The following XIST variants were observed in gnomAD, a reference collection of about 807,000 sequenced individuals.
The protein encoded by XIST is X inactive specific transcript, also known as X inactive specific transcript (non-protein coding).
At chrX:73,849,871 TG>T in exon 1 of XIST, 1 of 29,100 alleles carries the variant, frequency 3.4e-5, no homozygotes, top group Non-Finnish European at 6.2e-5. Flanking sequence ...GGACTGGGGC[TG>T]GGGCAGGGCT....
exon 1 of XIST, chrX:73,846,415 T>C: frequency 1.8e-6 from 1 of 557,155 alleles, no homozygotes; most frequent in East Asian, 3.3e-5. Flanking sequence ...GAGAGGACCC[T>C]CCTTTTCTAG....
chrX:73,845,427 C>T, exon 1 of XIST: 1 of 552,247 alleles, frequency 1.8e-6, no homozygotes, highest in Non-Finnish European at 3.3e-6. Context: ...AGTGCCTATG[C>T]TCACTTACAA....
At chrX:73,826,601 G>C (rs199765374) in exon 6 of XIST, 52 of 557,773 alleles carry the variant, frequency 9.3e-5, no homozygotes, top group Non-Finnish European at 1.6e-4. Context: ...AAATATCTAA[G>C]AGTAAGAAGT....
chrX:73,848,433 T>G lies in XIST; in HGVS notation n.4291A>C, dbSNP rs376462405. 2.5e-5 allele frequency: 14 copies of G among 556,027 alleles called. No individual in the cohort carries two copies. In the East Asian group the frequency reaches 3.9e-4, roughly 16 times the overall value. The allele number at this position is 556,027 out of a possible 1,213,427, so 45.8% of individuals were successfully genotyped here. On this transcript the variant is annotated non_coding_transcript_exon_variant, in exon 1 of 6. Coordinates refer to ENST00000429829, the Ensembl canonical transcript of XIST. ...ATAAACTGTCCTAGTACAGAGGTCT[T>G]GAGTAGTAAGGGTCCCCTGCTGGAA... is the stretch of plus-strand genomic sequence containing the variant.
exon 1 of XIST, chrX:73,850,796 G>A: frequency 2.0e-6 from 1 of 508,825 alleles, no homozygotes; most frequent in East Asian, 3.6e-5. Flanking sequence ...CCTTAGGTGA[G>A]GCACCAATAC....
intron 4 of XIST, among the ~76,000 whole-genome samples, chrX:73,829,635 A>G (rs1427226021): frequency 1.8e-5 from 2 of 109,900 alleles, no homozygotes; most frequent in Admixed American, 1.9e-4. Flanking sequence ...TATTAAAAAT[A>G]CAAAATTAGC....
At chrX:73,828,448 T>C (rs990703331) in intron 5 of XIST, 2 of 118,427 alleles carry the variant, frequency 1.7e-5, no homozygotes, top group Middle Eastern at 4.0e-3. Context: ...ATATACCTAA[T>C]GAGTAGCAGA....
At chrX:73,849,579 G>C in exon 1 of XIST, 1 of 558,289 alleles carries the variant, frequency 1.8e-6, no homozygotes. Flanking sequence ...CTGATAGAAA[G>C]CTCTCAATTG....
chrX:73,831,076 G>C (rs1922370484), exon 4 of XIST: 1 of 556,318 alleles, frequency 1.8e-6, no homozygotes, highest in Admixed American at 2.2e-5. Flanking sequence ...CTTGACGTGT[G>C]GTGGTTGTTT....
chrX:73,846,874 G>A (rs893693122), exon 1 of XIST: 1 of 559,088 alleles, frequency 1.8e-6, no homozygotes. Context: ...ATGCAATAAA[G>A]CAAAGAGGGT....
chrX:73,838,058 A>G (rs916103856), intron 1 of XIST, among the ~76,000 whole-genome samples: 1 of 111,833 alleles, frequency 8.9e-6, no homozygotes, highest in Non-Finnish European at 1.9e-5. Flanking sequence ...GCTGTAAAAA[A>G]TAAGTCGTAA....
chrX:73,844,208 T>G, exon 1 of XIST: 1 of 558,716 alleles, frequency 1.8e-6, no homozygotes, highest in South Asian at 2.2e-5. Context: ...CCTGGTATAC[T>G]GCAAATGGAG....
chrX:73,850,756 GT>G (rs1704046769), exon 1 of XIST: 2 of 246,414 alleles, frequency 8.1e-6, no homozygotes, highest in Non-Finnish European at 1.5e-5. Context: ...AGTTGGGGGG[GT>G]TGGGGGGTGG....
chrX:73,830,487 C>T (rs1922359069), intron 4 of XIST, among the ~76,000 whole-genome samples: 1 of 112,354 alleles, frequency 8.9e-6, no homozygotes, highest in African/African-American at 3.2e-5. Flanking sequence ...TCTCCCAACA[C>T]TGACCTAGAG....
At chrX:73,845,170 T>C in exon 1 of XIST, 1 of 555,381 alleles carries the variant, frequency 1.8e-6, no homozygotes, top group Non-Finnish European at 3.2e-6. Flanking sequence ...ACTGTCCAAA[T>C]GTAAGGGTCT....
exon 6 of XIST, chrX:73,825,635 T>C (rs1468681176): frequency 5.8e-6 from 3 of 513,567 alleles, no homozygotes; most frequent in Non-Finnish European, 1.0e-5. Context: ...TTTGACCTTA[T>C]AAAAACGTTG....
At chrX:73,847,172 A>G in exon 1 of XIST, 2 of 559,275 alleles carry the variant, frequency 3.6e-6, no homozygotes, top group Non-Finnish European at 6.5e-6. Context: ...ACAGCAGCAA[A>G]TATAAGTATG....
chrX:73,833,123 C>T (rs1922417528), intron 3 of XIST: 1 of 457,223 alleles, frequency 2.2e-6, no homozygotes, highest in Non-Finnish European at 3.8e-6. Context: ...CTCCCAAAGC[C>T]CTGGAATTAC....
exon 1 of XIST, chrX:73,847,571 A>ACC (rs1922807410): frequency 3.9e-6 from 2 of 512,084 alleles, no homozygotes; most frequent in African/African-American, 4.7e-5. Context: ...GGAAATCAGT[A>ACC]CCCCCTTCTA....
Sources: allele counts gnomAD v4.1 joint callset (sites outside exome capture counted in the v4.1 genomes callset), GRCh38; gene constraint gnomAD v4.1.1; transcripts MANE v1.5; gene names NCBI Gene and HGNC (gene_info 2026-07-23, HGNC 2026-07-21).